RPL28: variants seen among roughly 807,000 people sequenced by gnomAD.
The protein encoded by RPL28 is ribosomal protein L28, also known as large ribosomal subunit protein eL28.
RPL28 carries 4 observed loss-of-function variants against 12.5 expected under a neutral mutation model. That is an observed-to-expected ratio of 0.32 (90% CI 0.16 to 0.73). The LOEUF is 0.73. Ranked by LOEUF, RPL28 falls within the 30% of genes least tolerant of loss-of-function variation. RPL28 has a pLI of 0.66. For synonymous variants in RPL28, 91 were observed against 72.5 expected (o/e 1.26, Z -1.30); for missense variants, 214 against 197.7 (o/e 1.08, Z -0.49).
At chr19:55,387,340 A>C (rs920007957) in intron 3 of RPL28, 3 of 1,551,588 alleles carry the variant, frequency 1.9e-6, no homozygotes, top group African/African-American at 2.7e-5. Context: ...GGGTCCTTTT[A>C]CTCAGTGGCA....
downstream of RPL28, among the ~76,000 whole-genome samples, chr19:55,392,603 G>GCTCA (rs201774850): frequency 0.032 from 4,844 of 151,818 alleles, 270 homozygotes; most frequent in African/African-American, 0.11. Flanking sequence ...CGCGACCTCG[G>GCTCA]GTGAGCTACG....
intron 3 of RPL28, chr19:55,387,564 C>A (rs2089944792): frequency 1.4e-6 from 2 of 1,426,072 alleles, no homozygotes; most frequent in Admixed American, 5.9e-5. Context: ...TGAACCACTG[C>A]TGTGGGGATG....
Position 55,389,686 on chromosome 19 carries a change from C to A in RPL28, c.*1354C>A, listed in dbSNP as rs757079465. The A allele has an allele frequency of 1.0e-6, 1 of 985,464 alleles. No individual in the cohort carries two copies. The highest frequency in any genetic ancestry group is 1.7e-5 in the African/African-American group (1 of 57,230). The allele number at this position is 985,464 out of a possible 1,614,324, so 61.0% of individuals were successfully genotyped here. A position where few individuals can be genotyped will look rare whatever the true frequency, so the allele number is the denominator to read the frequency against. Reference sequence around the variant, plus strand: ...TTGCCCAGCTCGAAGGAGAGCAGATCTGACCACTTGCCAGCCCCTGTCTGC... The same window carrying A: ...TTGCCCAGCTCGAAGGAGAGCAGATATGACCACTTGCCAGCCCCTGTCTGC... On this transcript the variant is annotated 3_prime_UTR_variant, in exon 5 of 5. Coordinates refer to ENST00000344063, the MANE Select transcript of RPL28 (RefSeq NM_000991.5).
chr19:55,395,411 G>A (rs1316681042), downstream of RPL28, among the ~76,000 whole-genome samples: 1 of 151,620 alleles, frequency 6.6e-6, no homozygotes, highest in Non-Finnish European at 1.5e-5. Flanking sequence ...GGAATTACAG[G>A]CGTGAGCCAC....
At chr19:55,394,808 A>G (rs1466957614), downstream of RPL28, among the ~76,000 whole-genome samples, 1 of 151,924 alleles carries the variant, frequency 6.6e-6, no homozygotes, top group Admixed American at 6.6e-5. Flanking sequence ...TCCTGGGCTC[A>G]ATCCTCCCAA....
chr19:55,393,237 C>T (rs1052975452), downstream of RPL28, among the ~76,000 whole-genome samples: 1 of 114,160 alleles, frequency 8.8e-6, no homozygotes, highest in Non-Finnish European at 1.7e-5. Flanking sequence ...CCTCCCTTGG[C>T]CGACGCACCC....
At position 55,391,784 on chromosome 19, in the gene RPL28, T is replaced by C. The variant is rs758503367; in HGVS notation, c.*3452T>C. ...ACTTTTTATAAATATTTTGATCAGA[T>C]GGACTCATGATCACAGATGTCTTCA... On this transcript the variant is annotated 3_prime_UTR_variant, in exon 5 of 5. Transcript: ENST00000344063. 1,283 of 1,327,794 alleles carry C rather than the reference T, an allele frequency of 9.7e-4. 2 individuals carry two copies. Among genetic ancestry groups the C allele is most frequent in the Non-Finnish European group, 1.2e-3 (1,208 of 1,032,670 alleles). 82.3% of individuals were successfully genotyped at this position (1,327,794 alleles called of 1,614,324 possible). A position where few individuals can be genotyped will look rare whatever the true frequency, so the allele number is the denominator to read the frequency against.
chr19:55,396,841 A>G (rs572701027), downstream of RPL28, among the ~76,000 whole-genome samples: 69 of 151,356 alleles, frequency 4.6e-4, no homozygotes, highest in South Asian at 2.7e-3. Context: ...TGGCCTCCCA[A>G]AGTGCTGGGA....
In RPL28 at chr19:55,388,881, G is replaced by T. The variant is rs2089962516; in HGVS notation, c.*549G>T. On this transcript the variant is annotated 3_prime_UTR_variant, in exon 5 of 5. Transcript: ENST00000344063. ...CCTCATCTCTGAGATGGGCAACTTG[G>T]TGGGTGGTGGCTTATAACTGTAAGG... 1 of 985,882 alleles carries T rather than the reference G, an allele frequency of 1.0e-6. No individual in the cohort carries two copies. 61.1% of individuals were successfully genotyped at this position (985,882 alleles called of 1,614,324 possible).
At chr19:55,394,774 A>G (rs10421889), downstream of RPL28, among the ~76,000 whole-genome samples, 5,089 of 151,734 alleles carry the variant, frequency 0.034, 294 homozygotes, top group African/African-American at 0.12. Flanking sequence ...CGATCTCACT[A>G]TGTTGTCCAG....
intron 4 of RPL28, chr19:55,401,058 A>G (rs2090053480): frequency 4.1e-6 from 1 of 245,186 alleles, no homozygotes; most frequent in East Asian, 1.1e-4. Flanking sequence ...TCCTCGCCCC[A>G]TTTTAGATTG....
chr19:55,388,055 TG>T lies in RPL28; in HGVS notation c.324+11del, dbSNP rs2089951569. The T allele has an allele frequency of 6.2e-7, 1 of 1,613,516 alleles. No homozygotes were observed. Among genetic ancestry groups the T allele is most frequent in the Non-Finnish European group, 8.5e-7 (1 of 1,179,800 alleles). On this transcript the variant is annotated splice_region_variant and intron_variant, in intron 4 of 4. Transcript: ENST00000344063. ...CCGCCCCGACCTGCGCATGGTGAGCTGGGGTTTGGGGATCAGGCTTGGGGAG... is the reference window on the plus strand; with the variant it reads ...CCGCCCCGACCTGCGCATGGTGAGCTGGGTTTGGGGATCAGGCTTGGGGAG...
At position 55,388,515 on chromosome 19, in the gene RPL28, G is replaced by T; in HGVS notation, c.*183G>T. 7.7e-7 allele frequency: 1 copy of T among 1,299,806 alleles called. No individual in the cohort carries two copies. Among genetic ancestry groups the T allele is most frequent in the Non-Finnish European group, 9.8e-7 (1 of 1,021,060 alleles). 80.5% of individuals were successfully genotyped at this position (1,299,806 alleles called of 1,614,324 possible). On this transcript the variant is annotated 3_prime_UTR_variant, in exon 5 of 5. Coordinates refer to ENST00000344063, the MANE Select transcript of RPL28 (RefSeq NM_000991.5). ...GTCAATGGCTGGCCATGCAGGAGGG[G>T]TGGGGTAGCTGCCTTGTCCCTGGTG...
At chr19:55,401,091 T>G in intron 4 of RPL28, 2 of 305,946 alleles carry the variant, frequency 6.5e-6, no homozygotes, top group South Asian at 4.9e-5. Flanking sequence ...CAAAGAGGGG[T>G]TGTGACCGCT....
Position 55,390,553 on chromosome 19 carries a change from C to G in RPL28, c.*2221C>G, listed in dbSNP as rs45495700. ...GTCCTTAACCACCTCCTTGCCTGCCCTGGAGGCTTGTGCCTCTAGGCCCCA... is the reference window on the plus strand; with the variant it reads ...GTCCTTAACCACCTCCTTGCCTGCCGTGGAGGCTTGTGCCTCTAGGCCCCA... On this transcript the variant is annotated 3_prime_UTR_variant, in exon 5 of 5. Coordinates refer to ENST00000344063, the MANE Select transcript of RPL28 (RefSeq NM_000991.5). 0.12 allele frequency: 116,320 copies of G among 985,566 alleles called. 7,534 individuals are homozygous for G. The highest frequency in any genetic ancestry group is 0.13 in the Non-Finnish European group (107,147 of 830,058). The allele number at this position is 985,566 out of a possible 1,614,324, so 61.1% of individuals were successfully genotyped here.
chr19:55,388,373 A>C lies in RPL28; in HGVS notation c.*41A>C. ...AGCAATAAAGTCAGCTGGCTTTCTC[A>C]CCTGCCTCGACTGGGCCTCCCTTTT... On this transcript the variant is annotated 3_prime_UTR_variant, in exon 5 of 5. Coordinates refer to ENST00000344063, the MANE Select transcript of RPL28 (RefSeq NM_000991.5). 7.0e-7 allele frequency: 1 copy of C among 1,438,496 alleles called. No individual in the cohort carries two copies. The highest frequency in any genetic ancestry group is 2.7e-5 in the East Asian group (1 of 37,682). 89.1% of individuals were successfully genotyped at this position (1,438,496 alleles called of 1,614,324 possible). A position where few individuals can be genotyped will look rare whatever the true frequency, so the allele number is the denominator to read the frequency against.
At chr19:55,393,631 G>GTTT (rs890657595), downstream of RPL28, among the ~76,000 whole-genome samples, 2,695 of 114,508 alleles carry the variant, frequency 0.024, 200 homozygotes, top group African/African-American at 0.087. Context: ...TCACCAATTT[G>GTTT]TTTTTTTTTT....
At chr19:55,388,175 C>G in intron 4 of RPL28, 68 bp from the exon 5 acceptor site, 1 of 1,532,822 alleles carries the variant, frequency 6.5e-7, no homozygotes, top group Non-Finnish European at 8.8e-7. Context: ...TCCCCACACC[C>G]AGCATTGGCC....
intron 4 of RPL28, chr19:55,400,763 G>T (rs2090051228): frequency 6.6e-6 from 1 of 152,406 alleles, no homozygotes; most frequent in Non-Finnish European, 1.5e-5. Flanking sequence ...AGTGGGTGTT[G>T]TTTTAAGCCG....
Sources: gnomAD v4.1 joint callset for allele counts (sites outside exome capture counted in the v4.1 genomes callset) on GRCh38, gnomAD v4.1.1 for gene constraint, MANE v1.5 for transcripts, NCBI Gene and HGNC (gene_info 2026-07-23, HGNC 2026-07-21) for gene names.